ANP32A: variants seen among roughly 807,000 people sequenced by gnomAD.
ANP32A encodes the protein acidic nuclear phosphoprotein 32 family member A, also known as acidic leucine-rich nuclear phosphoprotein 32 family member A.
Under a neutral mutation model 33.9 loss-of-function variants are expected in ANP32A, and 1 was observed. The observed-to-expected ratio is 0.03, with a 90% confidence interval of 0.01 to 0.14. The LOEUF (loss-of-function observed/expected upper bound fraction) is 0.14. ANP32A is among the 10% of genes least tolerant of loss of function. ANP32A has a pLI of 1.00. For synonymous variants in ANP32A, 115 were observed against 120.5 expected (o/e 0.95, Z 0.30); for missense variants, 155 against 306.0 (o/e 0.51, Z 3.68).
intron 1 of ANP32A, chr15:68,818,327 T>C (rs1443057397): frequency 1.9e-5 from 4 of 214,222 alleles, no homozygotes; most frequent in Middle Eastern, 5.4e-4. Context: ...GGTGGGTGTG[T>C]GGGGGGCCCA....
rs1360501918 is a variant in ANP32A, at chr15:68,779,899, AC to A, written c.*181del. On this transcript the variant is annotated 3_prime_UTR_variant, in exon 7 of 7. Coordinates refer to ENST00000465139, the MANE Select transcript of ANP32A (RefSeq NM_006305.4). ...GGCAGTAAAAATAGTATTTTATTCC[AC>A]CCCCACCCGCCATCCCTCCCCCCGC... 5.4e-6 allele frequency: 3 copies of A among 552,034 alleles called. No homozygotes were observed. The highest frequency in any genetic ancestry group is 2.9e-5 in the East Asian group (1 of 34,116). The allele number at this position is 552,034 out of a possible 1,614,324, so 34.2% of individuals were successfully genotyped here.
At chr15:68,794,294 T>C (rs1193987459) in intron 1 of ANP32A, among the ~76,000 whole-genome samples, 3 of 152,212 alleles carry the variant, frequency 2.0e-5, no homozygotes, top group Admixed American at 6.5e-5. Context: ...ATACGAGGCC[T>C]CTTAACCTGT....
At chr15:68,797,005 C>G (rs1057366716) in intron 1 of ANP32A, among the ~76,000 whole-genome samples, 4 of 152,122 alleles carry the variant, frequency 2.6e-5, no homozygotes, top group Non-Finnish European at 5.9e-5. Context: ...GGAAGGAAAT[C>G]TGGGACATGG....
intron 4 of ANP32A, among the ~76,000 whole-genome samples, chr15:68,783,256 G>GC (rs931636231): frequency 6.6e-6 from 1 of 151,986 alleles, no homozygotes; most frequent in Admixed American, 6.6e-5. Context: ...CCAAAGATAA[G>GC]CCCCCCTCAC....
intron 1 of ANP32A, among the ~76,000 whole-genome samples, chr15:68,818,753 C>T (rs2140377683): frequency 6.6e-6 from 1 of 152,124 alleles, no homozygotes; most frequent in Non-Finnish European, 1.5e-5. Flanking sequence ...CGACCCCGGC[C>T]CCGCGCTTGG....
intron 1 of ANP32A, among the ~76,000 whole-genome samples, chr15:68,804,315 C>T: frequency 6.6e-6 from 1 of 152,104 alleles, no homozygotes; most frequent in Non-Finnish European, 1.5e-5. Context: ...CCAAGCACAG[C>T]TCCTCAGTAC....
At chr15:68,810,920 C>T (rs1228353981) in intron 1 of ANP32A, among the ~76,000 whole-genome samples, 3 of 151,858 alleles carry the variant, frequency 2.0e-5, no homozygotes, top group South Asian at 2.1e-4. Context: ...GTTATCCGGG[C>T]GTGGTGGTGG....
Position 68,797,415 on chromosome 15 carries a change from A to G in ANP32A, c.55-9496T>C, listed in dbSNP as rs182191399. Among the ~76,000 whole-genome samples the G allele has an allele frequency of 1.9e-3, 283 of 152,310 alleles. 1 individual carries two copies. Among genetic ancestry groups the G allele is most frequent in the African/African-American group, 3.9e-3 (163 of 41,574 alleles). On this transcript the variant is annotated intron_variant, in intron 1 of 6. Coordinates refer to ENST00000465139, the MANE Select transcript of ANP32A (RefSeq NM_006305.4). ...ACTGCACCCATGCAACAGAAAAGCCACAGAGAATGAAGACCAAGGCCTAGA... is the reference window on the plus strand; with the variant it reads ...ACTGCACCCATGCAACAGAAAAGCCGCAGAGAATGAAGACCAAGGCCTAGA...
chr15:68,802,075 T>C (rs1894144151), intron 1 of ANP32A: 1 of 152,476 alleles, frequency 6.6e-6, no homozygotes, highest in Non-Finnish European at 1.5e-5. Flanking sequence ...AGTCTCAATC[T>C]GGTCCAACTG....
At chr15:68,819,436 C>CGT (rs1237284216) in intron 1 of ANP32A, among the ~76,000 whole-genome samples, 1 of 152,242 alleles carries the variant, frequency 6.6e-6, no homozygotes, top group Non-Finnish European at 1.5e-5. Flanking sequence ...GATTCCCACC[C>CGT]GTGTAAGTTT....
chr15:68,798,408 A>G (rs561302846), intron 1 of ANP32A, among the ~76,000 whole-genome samples: 7 of 152,172 alleles, frequency 4.6e-5, no homozygotes, highest in Non-Finnish European at 1.0e-4. Context: ...CGTCTGCCCC[A>G]TTTTCAGATA....
chr15:68,811,576 ACT>A (rs1491248216), intron 1 of ANP32A, among the ~76,000 whole-genome samples: 1 of 152,210 alleles, frequency 6.6e-6, no homozygotes, highest in African/African-American at 2.4e-5. Flanking sequence ...GGGACGAGTC[ACT>A]TACCCTCAGT....
intron 2 of ANP32A, 50 bp from the exon 3 acceptor site, chr15:68,787,585 C>A (rs1181125873): frequency 3.7e-6 from 6 of 1,613,396 alleles, no homozygotes; most frequent in Non-Finnish European, 5.1e-6. Context: ...AAAATGAAGG[C>A]TACCGGCTCA....
At chr15:68,806,530 T>C (rs1392546013) in intron 1 of ANP32A, among the ~76,000 whole-genome samples, 1 of 152,154 alleles carries the variant, frequency 6.6e-6, no homozygotes, top group African/African-American at 2.4e-5. Flanking sequence ...CTTCCCAGAC[T>C]CACAGACCAC....
At chr15:68,787,676 G>A in intron 2 of ANP32A, 94 bp downstream of exon 2, 1 of 1,593,642 alleles carries the variant, frequency 6.3e-7, no homozygotes, top group Non-Finnish European at 8.6e-7. Context: ...CAAGCACCCG[G>A]CTTTCCCTTC....
At chr15:68,785,426 C>T (rs1206718372) in intron 3 of ANP32A, among the ~76,000 whole-genome samples, 1 of 152,104 alleles carries the variant, frequency 6.6e-6, no homozygotes, top group Non-Finnish European at 1.5e-5. Flanking sequence ...CTTTGAGGCA[C>T]CAGGTACAAA....
At chr15:68,815,525 ACGTTT>A (rs1894369185) in intron 1 of ANP32A, among the ~76,000 whole-genome samples, 1 of 152,220 alleles carries the variant, frequency 6.6e-6, no homozygotes. Context: ...ATTGACTGCA[ACGTTT>A]ATATGTACAA....
At chr15:68,803,003 T>G (rs2958404) in intron 1 of ANP32A, among the ~76,000 whole-genome samples, 2 of 151,820 alleles carry the variant, frequency 1.3e-5, no homozygotes, top group Non-Finnish European at 2.9e-5. Context: ...ATTCATTCAA[T>G]ACACGCTCCT....
Position 68,780,174 on chromosome 15 carries a change from G to A in ANP32A, c.689-32C>T, listed in dbSNP as rs1487682806. 1 of 1,612,622 alleles carries A rather than the reference G, an allele frequency of 6.2e-7. No homozygotes were observed. On this transcript the variant is annotated intron_variant, in intron 6 of 6. Transcript: ENST00000465139. This position sits in a 1 kb window ranked among gnomAD's most constrained non-coding sequence, Gnocchi z 4.3. ...AAGTAAGAAAGCGGCATTTAGATTAGTTATTAATCCCACCTCTTTAACTCA... is the reference window on the plus strand; with the variant it reads ...AAGTAAGAAAGCGGCATTTAGATTAATTATTAATCCCACCTCTTTAACTCA...
Sources: gnomAD v4.1 joint callset for allele counts (sites outside exome capture counted in the v4.1 genomes callset) on GRCh38, gnomAD v4.1.1 for gene constraint, Gnocchi (gnomAD v3.1) non-coding constraint, MANE v1.5 for transcripts, NCBI Gene and HGNC (gene_info 2026-07-23, HGNC 2026-07-21) for gene names.